Variants in RBFOX3 observed in about 807,000 individuals in gnomAD.
RBFOX3 encodes the protein RNA binding fox-1 homolog 3.
Under a neutral mutation model 48.7 loss-of-function variants are expected in RBFOX3, and 17 were observed. That is an observed-to-expected ratio of 0.35 (90% CI 0.24 to 0.52). The LOEUF is 0.52. RBFOX3 is among the 20% of genes least tolerant of loss of function. The pLI is 0.94. For missense variants in RBFOX3, 382 were observed against 497.5 expected, an observed-to-expected ratio of 0.77 and a Z score of 2.21; for synonymous variants, 212 against 209.5, an observed-to-expected ratio of 1.01 and a Z score of -0.10.
At chr17:79,130,117 C>T (rs2038439951) in intron 4 of RBFOX3, among the ~76,000 whole-genome samples, 1 of 152,220 alleles carries the variant, frequency 6.6e-6, no homozygotes, top group Admixed American at 6.5e-5. Context: ...CCAACCCATT[C>T]TGTCCCCTGA....
At chr17:79,637,784 AGGGGAAGAGAAGGGAAGG>A in the RBFOX3 span, among the ~76,000 whole-genome samples, 2 of 48,244 alleles carry the variant, frequency 4.1e-5, no homozygotes, top group Non-Finnish European at 9.4e-5. Flanking sequence ...AGGGGAAGGG[AGGGGAAGAGAAGGGAAGG>A]GAAGGGAAGG....
intron 1 of RBFOX3, among the ~76,000 whole-genome samples, chr17:79,573,773 C>A (rs2092764269): frequency 6.6e-6 from 1 of 152,242 alleles, no homozygotes; most frequent in Non-Finnish European, 1.5e-5. Context: ...TGCCTCCAAT[C>A]TCCATCCTAC....
At chr17:79,294,578 G>A (rs1421489806) in intron 3 of RBFOX3, among the ~76,000 whole-genome samples, 4 of 152,264 alleles carry the variant, frequency 2.6e-5, no homozygotes, top group South Asian at 2.1e-4. Context: ...GGGATTATAA[G>A]CGTGAGCCAC....
intron 2 of RBFOX3, among the ~76,000 whole-genome samples, chr17:79,444,034 C>T (rs1262235655): frequency 6.6e-6 from 1 of 152,172 alleles, no homozygotes; most frequent in Non-Finnish European, 1.5e-5. Flanking sequence ...AAAGCTCATA[C>T]CCTGGCAGGC....
chr17:79,166,084 G>C (rs1454515236), intron 4 of RBFOX3, among the ~76,000 whole-genome samples: 4 of 152,230 alleles, frequency 2.6e-5, no homozygotes, highest in African/African-American at 9.6e-5. Flanking sequence ...GTGCGGCAGA[G>C]TTGTGATTGG....
chr17:79,095,773 C>T (rs765311969), intron 12 of RBFOX3, among the ~76,000 whole-genome samples, 199 bp from the exon 13 acceptor site: 1 of 152,176 alleles, frequency 6.6e-6, no homozygotes, highest in Non-Finnish European at 1.5e-5. Flanking sequence ...AACACAGGAC[C>T]GAGGACTGCA....
the RBFOX3 span, among the ~76,000 whole-genome samples, chr17:79,619,328 C>T: frequency 2.0e-5 from 3 of 152,168 alleles, no homozygotes; most frequent in Non-Finnish European, 4.4e-5. Flanking sequence ...GTTCTGGAGG[C>T]CAGGTGTTTG....
At chr17:79,393,208 G>T (rs935351760) in intron 2 of RBFOX3, among the ~76,000 whole-genome samples, 27 of 152,228 alleles carry the variant, frequency 1.8e-4, no homozygotes, top group African/African-American at 6.0e-4. Context: ...ACGGATTTGG[G>T]GTTTCACAGT....
intron 4 of RBFOX3, among the ~76,000 whole-genome samples, chr17:79,134,659 G>C (rs559733506): frequency 1.3e-5 from 2 of 152,360 alleles, no homozygotes; most frequent in South Asian, 2.1e-4. Flanking sequence ...AGCTGTCCCA[G>C]GGAGGGGGTC....
At chr17:79,661,834 T>G in the RBFOX3 span, among the ~76,000 whole-genome samples, 849 of 152,346 alleles carry the variant, frequency 5.6e-3, 16 homozygotes, top group Admixed American at 0.018. Flanking sequence ...TGATGACTAG[T>G]AAAGCACTTG....
intron 4 of RBFOX3, among the ~76,000 whole-genome samples, chr17:79,221,755 G>C (rs994035467): frequency 1.3e-5 from 2 of 152,202 alleles, no homozygotes; most frequent in African/African-American, 4.8e-5. Context: ...TCGGTGGCTG[G>C]AGCCTCTGGC....
intron 1 of RBFOX3, among the ~76,000 whole-genome samples, chr17:79,539,823 C>T (rs1162889537): frequency 2.0e-5 from 3 of 152,146 alleles, no homozygotes; most frequent in Non-Finnish European, 2.9e-5. Flanking sequence ...CAGGTAGGGT[C>T]CTAGATTTAG....
chr17:79,384,515 C>T (rs886418152), intron 2 of RBFOX3, among the ~76,000 whole-genome samples: 8 of 152,212 alleles, frequency 5.3e-5, no homozygotes, highest in African/African-American at 9.6e-5. Flanking sequence ...CAAAATGCCC[C>T]TCTCTGTGGT....
intron 4 of RBFOX3, among the ~76,000 whole-genome samples, chr17:79,155,203 T>C (rs1227666640): frequency 6.6e-6 from 1 of 152,232 alleles, no homozygotes; most frequent in African/African-American, 2.4e-5. Context: ...TGAGGTTTTA[T>C]TGTGAACACA....
chr17:79,264,350 A>G (rs2066313473), intron 3 of RBFOX3, among the ~76,000 whole-genome samples: 2 of 150,112 alleles, frequency 1.3e-5, no homozygotes, highest in African/African-American at 4.9e-5. Flanking sequence ...TGCTGGGATT[A>G]CAGGTGTGAG....
intron 2 of RBFOX3, among the ~76,000 whole-genome samples, chr17:79,472,470 C>T (rs1237887572): frequency 6.6e-6 from 1 of 152,128 alleles, no homozygotes; most frequent in Non-Finnish European, 1.5e-5. Flanking sequence ...TCCACTCTGA[C>T]CAGTGTCCTT....
chr17:79,318,059 G>A (rs533495024), intron 2 of RBFOX3, among the ~76,000 whole-genome samples: 153 of 152,278 alleles, frequency 1.0e-3, no homozygotes, highest in Non-Finnish European at 2.1e-3. Flanking sequence ...TGTTACTCAG[G>A]CCTCATCTCC....
intron 2 of RBFOX3, among the ~76,000 whole-genome samples, chr17:79,406,795 A>G (rs2148507155): frequency 6.6e-6 from 1 of 152,088 alleles, no homozygotes; most frequent in South Asian, 2.1e-4. Flanking sequence ...GGAAAGGGTG[A>G]CTCCCTACAA....
At chr17:79,599,249 C>G (rs2093645529) in intron 1 of RBFOX3, 1 of 152,270 alleles carries the variant, frequency 6.6e-6, no homozygotes, top group African/African-American at 2.4e-5. Context: ...ACAGGAGACC[C>G]GTGCAACTCC....
Sources: gnomAD v4.1 joint callset for allele counts (sites outside exome capture counted in the v4.1 genomes callset) on GRCh38, gnomAD v4.1.1 for gene constraint, MANE v1.5 for transcripts, NCBI Gene and HGNC (gene_info 2026-07-23, HGNC 2026-07-21) for gene names.